Variants in SYCP1 observed in about 807,000 individuals in gnomAD.
The protein encoded by SYCP1 is synaptonemal complex protein 1.
In SYCP1, 64 loss-of-function variants were observed where a neutral mutation model predicts 153.1. The ratio of observed to expected loss-of-function variants is 0.42; its 90% confidence interval spans 0.34 to 0.51. The LOEUF is 0.51. Ranked by LOEUF, SYCP1 falls within the 20% of genes least tolerant of loss-of-function variation. The pLI, the probability that SYCP1 is intolerant of heterozygous loss-of-function variation, is 0.06. For missense variants in SYCP1, 997 were observed against 1,049.0 expected (o/e 0.95, Z 0.68); for synonymous variants, 384 against 341.8 (o/e 1.12, Z -1.36).
intron 27 of SYCP1, among the ~76,000 whole-genome samples, chr1:114,951,123 C>T (rs927329046): frequency 6.6e-6 from 1 of 152,150 alleles, no homozygotes; most frequent in South Asian, 2.1e-4. Flanking sequence ...CACGCCCGGC[C>T]TAAATTACAC....
intron 12 of SYCP1, among the ~76,000 whole-genome samples, chr1:114,879,808 G>A (rs1010859239): frequency 2.0e-5 from 3 of 151,998 alleles, no homozygotes; most frequent in African/African-American, 7.3e-5. Context: ...TTTTCTCTGT[G>A]TTCAGTGTGG....
intron 16 of SYCP1, among the ~76,000 whole-genome samples, chr1:114,904,119 T>C (rs1371074917): frequency 2.0e-5 from 3 of 151,170 alleles, no homozygotes; most frequent in African/African-American, 7.3e-5. Flanking sequence ...TTTCTTTCTT[T>C]CTTTTTTTTT....
intron 9 of SYCP1, among the ~76,000 whole-genome samples, chr1:114,875,353 C>T (rs1665445136): frequency 6.7e-6 from 1 of 150,128 alleles, no homozygotes; most frequent in Non-Finnish European, 1.5e-5. Flanking sequence ...CTCCGCCTCT[C>T]GGGTTCAGCC....
chr1:114,904,402 C>T (rs1013335658), intron 16 of SYCP1, among the ~76,000 whole-genome samples: 1 of 152,134 alleles, frequency 6.6e-6, no homozygotes, highest in African/African-American at 2.4e-5. Context: ...AGGTGTGAGC[C>T]ACCTCGCCCC....
intron 9 of SYCP1, 133 bp downstream of exon 9, chr1:114,874,697 C>T (rs1665393829): frequency 1.9e-6 from 1 of 540,338 alleles, no homozygotes; most frequent in African/African-American, 2.0e-5. Flanking sequence ...TATTGTATCA[C>T]TAATAAAATT....
At chr1:114,992,483 T>G (rs1043127645) in intron 30 of SYCP1, among the ~76,000 whole-genome samples, 1 of 151,608 alleles carries the variant, frequency 6.6e-6, no homozygotes, top group Non-Finnish European at 1.5e-5. Flanking sequence ...AGCCTAGAGA[T>G]AAACCCTCAC....
intron 8 of SYCP1, among the ~76,000 whole-genome samples, chr1:114,862,573 C>G (rs867103458): frequency 6.6e-6 from 1 of 151,966 alleles, no homozygotes; most frequent in Admixed American, 6.5e-5. Flanking sequence ...TGGTCTCGAT[C>G]TCTTGACCAC....
At chr1:114,965,086 G>A (rs1570878727) in intron 27 of SYCP1, among the ~76,000 whole-genome samples, 1 of 152,104 alleles carries the variant, frequency 6.6e-6, no homozygotes. Context: ...CACATCCCTT[G>A]TAAGTTGTAT....
intron 27 of SYCP1, among the ~76,000 whole-genome samples, chr1:114,950,764 A>C (rs1570842848): frequency 1.3e-5 from 2 of 152,198 alleles, no homozygotes; most frequent in South Asian, 2.1e-4. Context: ...CTGATTATCT[A>C]GCTAATGATG....
intron 20 of SYCP1, among the ~76,000 whole-genome samples, chr1:114,917,722 T>C (rs989838052): frequency 3.9e-5 from 6 of 152,212 alleles, no homozygotes; most frequent in African/African-American, 1.4e-4. Flanking sequence ...TTTGCATTTC[T>C]CTGATGATCA....
intron 3 of SYCP1, 53 bp from the exon 4 acceptor site, chr1:114,857,175 AAAAG>A (rs1046119086): frequency 4.0e-4 from 536 of 1,353,168 alleles, no homozygotes; most frequent in South Asian, 6.8e-4. Flanking sequence ...AAGAAAAAAA[AAAAG>A]AAAGAGAAAA....
intron 12 of SYCP1, among the ~76,000 whole-genome samples, chr1:114,883,409 T>C (rs965076999): frequency 8.5e-5 from 13 of 152,254 alleles, no homozygotes; most frequent in Admixed American, 3.9e-4. Flanking sequence ...ACTCTGTTCA[T>C]GGTGCTTTGT....
At chr1:114,914,104 A>G (rs929125772) in intron 20 of SYCP1, 59 bp downstream of exon 20, 27 of 1,319,114 alleles carry the variant, frequency 2.0e-5, no homozygotes, top group Non-Finnish European at 2.8e-5. Context: ...TTTCTTTTCT[A>G]TTAACTTGTT....
chr1:114,977,316 T>C (rs570582928), intron 27 of SYCP1, among the ~76,000 whole-genome samples: 29 of 151,914 alleles, frequency 1.9e-4, no homozygotes, highest in Non-Finnish European at 3.0e-4. Flanking sequence ...TTTAAGAGAC[T>C]TATTCAAAAG....
intron 28 of SYCP1, 108 bp downstream of exon 28, chr1:114,977,724 A>G (rs989732514): frequency 4.9e-5 from 31 of 634,496 alleles, no homozygotes; most frequent in African/African-American, 2.9e-4. Context: ...TACATATATC[A>G]TACAATTTCA....
chr1:114,886,718 A>G (rs1666332163), intron 14 of SYCP1, among the ~76,000 whole-genome samples: 1 of 152,088 alleles, frequency 6.6e-6, no homozygotes. Context: ...CTAGCCTGGC[A>G]TAGGTAAGTA....
intron 30 of SYCP1, among the ~76,000 whole-genome samples, chr1:114,989,547 T>G (rs1673775517): frequency 2.0e-5 from 3 of 151,950 alleles, no homozygotes; most frequent in Non-Finnish European, 4.4e-5. Context: ...GATTATACTC[T>G]CCTATCAAAA....
At position 114,913,281 on chromosome 1, in the gene SYCP1, AATATGC is replaced by A; in HGVS notation, c.1647+136_1647+141del. ...AGCTAAAACTTTGTTTTAGCAGAAAAATATGCATATTGGTCTTATAGGGTGGTAATA... is the reference window on the plus strand; with the variant it reads ...AGCTAAAACTTTGTTTTAGCAGAAAAATATTGGTCTTATAGGGTGGTAATA... On this transcript the variant is annotated intron_variant, in intron 19 of 31. Transcript: ENST00000369522. 3 of 683,548 alleles carry A rather than the reference AATATGC, an allele frequency of 4.4e-6. No homozygotes were observed. The South Asian group carries it at 5.8e-5, about 13-fold the overall frequency. The allele number at this position is 683,548 out of a possible 1,614,324, so 42.3% of individuals were successfully genotyped here.
chr1:114,986,768 AT>A (rs758814668), intron 30 of SYCP1, among the ~76,000 whole-genome samples: 14 of 152,066 alleles, frequency 9.2e-5, no homozygotes, highest in Non-Finnish European at 1.6e-4. Context: ...GACAAAAAGT[AT>A]ACTGGCAGAA....
Sources: allele counts gnomAD v4.1 joint callset (sites outside exome capture counted in the v4.1 genomes callset), GRCh38; gene constraint gnomAD v4.1.1; transcripts MANE v1.5; gene names NCBI Gene and HGNC (gene_info 2026-07-23, HGNC 2026-07-21).